Variants in TMPRSS15 observed in about 807,000 individuals in gnomAD.
TMPRSS15 encodes transmembrane serine protease 15.
Under a neutral mutation model 125.3 loss-of-function variants are expected in TMPRSS15, and 128 were observed. The ratio of observed to expected loss-of-function variants is 1.02; its 90% CI spans 0.89 to 1.18. The LOEUF is 1.18. Ranked by LOEUF, TMPRSS15 falls within the 50% of genes most tolerant of loss-of-function variation. TMPRSS15 has a pLI of 0.00. For synonymous variants in TMPRSS15, 446 were observed against 423.2 expected, an observed-to-expected ratio of 1.05 and a Z score of -0.66; for missense variants, 1,283 against 1,212.7, an observed-to-expected ratio of 1.06 and a Z score of -0.86.
intron 21 of TMPRSS15, among the ~76,000 whole-genome samples, chr21:18,293,542 G>T (rs891344021): frequency 6.6e-6 from 1 of 152,138 alleles, no homozygotes; most frequent in African/African-American, 2.4e-5. Flanking sequence ...ATCTAGAGAG[G>T]TGGCATCTTT....
intron 12 of TMPRSS15, 35 bp downstream of exon 12, chr21:18,343,470 AG>A: frequency 1.3e-6 from 2 of 1,526,454 alleles, no homozygotes; most frequent in Non-Finnish European, 1.8e-6. Context: ...CACCACAAAA[AG>A]GATACAAATA....
At position 18,315,271 on chromosome 21, in the gene TMPRSS15, T is replaced by A. The variant is rs376457477; in HGVS notation, c.1922-15A>T. Reference sequence around the variant, plus strand: ...CTTGCATGGCTCTATGGGGAAAGAATGTTTATTGTATAGGATAAAGAAAAC... The same window carrying A: ...CTTGCATGGCTCTATGGGGAAAGAAAGTTTATTGTATAGGATAAAGAAAAC... On this transcript the variant is annotated splice_polypyrimidine_tract_variant and intron_variant, in intron 16 of 24. Coordinates refer to ENST00000284885, the MANE Select transcript of TMPRSS15 (RefSeq NM_002772.3). 5 of 1,592,738 alleles carry A rather than the reference T, an allele frequency of 3.1e-6. No individual in the cohort carries two copies. Among genetic ancestry groups the A allele is most frequent in the African/African-American group, 2.7e-5 (2 of 74,458 alleles).
intron 18 of TMPRSS15, among the ~76,000 whole-genome samples, chr21:18,311,321 T>C (rs1447178914): frequency 1.3e-5 from 2 of 152,066 alleles, no homozygotes; most frequent in Non-Finnish European, 2.9e-5. Flanking sequence ...GGAGAAAATA[T>C]CTGCAAACTA....
intron 16 of TMPRSS15, among the ~76,000 whole-genome samples, chr21:18,317,057 A>G (rs1348071384): frequency 6.6e-6 from 1 of 152,204 alleles, no homozygotes; most frequent in Non-Finnish European, 1.5e-5. Context: ...GAAAACTATT[A>G]GTGACTATTA....
chr21:18,361,782 C>T (rs1410710731), intron 7 of TMPRSS15, among the ~76,000 whole-genome samples: 2 of 151,998 alleles, frequency 1.3e-5, no homozygotes, highest in African/African-American at 4.8e-5. Flanking sequence ...ATGGCAGCTA[C>T]TAGCAGGGCA....
intron 1 of TMPRSS15, among the ~76,000 whole-genome samples, chr21:18,433,686 A>AAAG (rs1555912318): frequency 2.7e-5 from 4 of 150,746 alleles, no homozygotes; most frequent in Non-Finnish European, 3.0e-5. Context: ...AAAAAAAAAA[A>AAAG]GAAAATAACA....
chr21:18,315,457 G>A lies in TMPRSS15; in HGVS notation c.1922-201C>T, dbSNP rs560529733. Among the ~76,000 whole-genome samples the A allele has an allele frequency of 1.1e-3, 137 of 124,564 alleles. 2 individuals carry two copies. Among genetic ancestry groups the A allele is most frequent in the Non-Finnish European group, 1.1e-3 (64 of 57,418 alleles). The allele number at this position is 124,564 out of a possible 152,430, so 81.7% of individuals were successfully genotyped here. The stretch of plus-strand genomic sequence containing the variant: ...TGTATACACAATAACAAACCTGCAC[G>A]TTGTGCACATGTACCGTAGAACTTA... On this transcript the variant is annotated intron_variant, in intron 16 of 24. Coordinates refer to ENST00000284885, the MANE Select transcript of TMPRSS15 (RefSeq NM_002772.3).
intron 1 of TMPRSS15, among the ~76,000 whole-genome samples, chr21:18,440,579 C>T (rs1262314748): frequency 4.6e-5 from 7 of 151,716 alleles, no homozygotes; most frequent in African/African-American, 1.7e-4. Flanking sequence ...GCTTATTTTT[C>T]ATATTTATTA....
intron 1 of TMPRSS15, among the ~76,000 whole-genome samples, chr21:18,464,371 C>A (rs2122954545): frequency 2.6e-5 from 4 of 151,360 alleles, no homozygotes; most frequent in Non-Finnish European, 5.9e-5. Flanking sequence ...CAAGAGCAAA[C>A]GTATTTAAAA....
rs1301178881 is a variant in TMPRSS15 at position 18,325,119 on chromosome 21, T to A, written c.1921+1313A>T. On this transcript the variant is annotated intron_variant, in intron 16 of 24. Transcript: ENST00000284885. ...TTATGTAAATACATATCTATTGATA[T>A]TTGCATCTCAATGTATTTTGTTCTT... Among the ~76,000 whole-genome samples, 2 of 152,116 alleles carry A rather than the reference T, an allele frequency of 1.3e-5. 1 individual carries two copies. The highest frequency in any genetic ancestry group is 4.1e-4 in the South Asian group (2 of 4,824).
At chr21:18,462,964 A>G (rs1287192165) in intron 1 of TMPRSS15, among the ~76,000 whole-genome samples, 1 of 152,144 alleles carries the variant, frequency 6.6e-6, no homozygotes, top group East Asian at 1.9e-4. Context: ...ACTGAGCTTC[A>G]TAAGAGAAGG....
chr21:18,283,544 G>GTATA (rs1355070682), intron 21 of TMPRSS15, among the ~76,000 whole-genome samples: 1 of 151,290 alleles, frequency 6.6e-6, no homozygotes, highest in East Asian at 1.9e-4. Flanking sequence ...TATAGTGTAT[G>GTATA]TATATAAATT....
At chr21:18,402,608 T>C (rs1212449652) in intron 1 of TMPRSS15, among the ~76,000 whole-genome samples, 2 of 152,040 alleles carry the variant, frequency 1.3e-5, no homozygotes, top group African/African-American at 2.4e-5. Flanking sequence ...TAAAAAATTG[T>C]TTTTAAGAGA....
chr21:18,372,098 A>ATGTGTG (rs56932398), intron 6 of TMPRSS15, 95 bp downstream of exon 6: 66,824 of 535,398 alleles, frequency 0.12, 2,990 homozygotes, highest in Middle Eastern at 0.16. Flanking sequence ...TGAGATTAGA[A>ATGTGTG]TGTGTGTGTG....
chr21:18,359,291 C>T (rs1380564707), intron 8 of TMPRSS15, among the ~76,000 whole-genome samples: 1 of 152,016 alleles, frequency 6.6e-6, no homozygotes, highest in African/African-American at 2.4e-5. Flanking sequence ...CTTAGCCTAC[C>T]TCCTTGGCTA....
chr21:18,359,702 A>T (rs545343075), intron 8 of TMPRSS15, 55 bp downstream of exon 8: 1 of 874,168 alleles, frequency 1.1e-6, no homozygotes, highest in Admixed American at 1.9e-5. Context: ...CCACTCCAAA[A>T]ATTTACCCAC....
chr21:18,323,700 A>T (rs1403533562), intron 16 of TMPRSS15, among the ~76,000 whole-genome samples: 3 of 152,168 alleles, frequency 2.0e-5, no homozygotes, highest in African/African-American at 7.2e-5. Context: ...GTTTCTTTAA[A>T]AGTATAATAC....
chr21:18,281,083 G>A lies in TMPRSS15; in HGVS notation c.2625C>T (p.Asn875=), dbSNP rs148756781. 3.3e-5 allele frequency: 54 copies of A among 1,613,392 alleles called. No homozygotes were observed. In the African/African-American group the frequency reaches 3.3e-4, roughly 10 times the overall value. Residue 875 remains asparagine (N), a synonymous_variant, in exon 22 of 25, where the codon AAC becomes AAT. Transcript: ENST00000284885. ...ATTCCAGATGCATCATGGCAATGTC[G>A]TTGTCCTTTCTTCGCCTATTGTAAT... is the stretch of plus-strand genomic sequence containing the variant. ...NPHYNRRRKD[N]DIAMMHLEFK...
chr21:18,436,459 T>C (rs1488599009), intron 1 of TMPRSS15, among the ~76,000 whole-genome samples: 1 of 152,010 alleles, frequency 6.6e-6, no homozygotes, highest in Non-Finnish European at 1.5e-5. Context: ...AGTTTCTTAA[T>C]CTTGAGTTCT....
Sources: allele counts gnomAD v4.1 joint callset (sites outside exome capture counted in the v4.1 genomes callset), GRCh38; gene constraint gnomAD v4.1.1; transcripts MANE v1.5; gene names NCBI Gene and HGNC (gene_info 2026-07-23, HGNC 2026-07-21).